Variants in PLD5 observed in about 807,000 individuals in gnomAD.
PLD5 encodes the protein inactive phospholipase D5.
Under a neutral mutation model 61.1 loss-of-function variants are expected in PLD5, and 36 were observed. That is an observed-to-expected ratio of 0.59 (90% CI 0.45 to 0.78). PLD5 has a LOEUF of 0.78. Ranked by LOEUF, PLD5 falls within the 30% of genes least tolerant of loss-of-function variation. The pLI, the probability that PLD5 is intolerant of heterozygous loss-of-function variation, is 0.00. For synonymous variants in PLD5, 243 were observed against 242.8 expected, an observed-to-expected ratio of 1.00 and a Z score of -0.01; for missense variants, 515 against 644.4, an observed-to-expected ratio of 0.80 and a Z score of 2.17.
At position 242,154,153 on chromosome 1, in the gene PLD5, A is replaced by G. The variant is rs561772512; in HGVS notation, c.736-29488T>C. On this transcript the variant is annotated intron_variant, in intron 5 of 9. Coordinates refer to ENST00000536534, the MANE Select transcript of PLD5 (RefSeq NM_001372062.1). Reference sequence around the variant, plus strand: ...CTCATGATTTGGCTGTTTGTCTGTTATTGGTGTATAAGAATTCTTGTGATT... The same window carrying G: ...CTCATGATTTGGCTGTTTGTCTGTTGTTGGTGTATAAGAATTCTTGTGATT... Among the ~76,000 whole-genome samples, 4 of 152,186 alleles carry G rather than the reference A, an allele frequency of 2.6e-5. 1 individual carries two copies. In the South Asian group the frequency reaches 8.3e-4, roughly 32 times the overall value.
intron 3 of PLD5, among the ~76,000 whole-genome samples, chr1:242,279,621 C>T (rs1014271024): frequency 1.2e-4 from 18 of 152,150 alleles, no homozygotes; most frequent in African/African-American, 4.1e-4. Context: ...GCAACCTCTG[C>T]CTCCCGGGTT....
intron 6 of PLD5, among the ~76,000 whole-genome samples, chr1:242,118,944 G>A (rs1272255326): frequency 6.6e-6 from 1 of 152,190 alleles, no homozygotes; most frequent in Non-Finnish European, 1.5e-5. Flanking sequence ...AGTTCCAACT[G>A]TTTAATTAAA....
intron 1 of PLD5, among the ~76,000 whole-genome samples, chr1:242,408,207 ACTTGTC>A (rs1349451034): frequency 2.6e-5 from 4 of 152,216 alleles, no homozygotes; most frequent in African/African-American, 9.6e-5. Context: ...TATTTAGTGG[ACTTGTC>A]CTTGGACAGG....
chr1:242,505,377 T>C (rs1255400794), intron 1 of PLD5, among the ~76,000 whole-genome samples: 4 of 152,216 alleles, frequency 2.6e-5, no homozygotes, highest in Non-Finnish European at 5.9e-5. Flanking sequence ...CCTTTTCTTA[T>C]TAAATATTGA....
At chr1:242,500,965 C>T (rs995351810) in intron 1 of PLD5, among the ~76,000 whole-genome samples, 4 of 151,704 alleles carry the variant, frequency 2.6e-5, no homozygotes, top group Non-Finnish European at 2.9e-5. Flanking sequence ...TATCATTTAA[C>T]GTTTTTCTTT....
intron 5 of PLD5, among the ~76,000 whole-genome samples, chr1:242,146,776 G>A (rs1241987984): frequency 4.6e-5 from 7 of 152,176 alleles, no homozygotes; most frequent in Non-Finnish European, 1.0e-4. Context: ...CAAGCTTAGT[G>A]CAAGAGAATG....
At chr1:242,241,869 C>CTATATATA (rs752113161) in intron 4 of PLD5, among the ~76,000 whole-genome samples, 23 of 70,828 alleles carry the variant, frequency 3.2e-4, no homozygotes, top group African/African-American at 4.5e-4. Context: ...GCTTTACTTA[C>CTATATATA]TATATATATA....
At chr1:242,169,809 G>A (rs1433133265) in intron 5 of PLD5, among the ~76,000 whole-genome samples, 1 of 152,134 alleles carries the variant, frequency 6.6e-6, no homozygotes, top group East Asian at 1.9e-4. Flanking sequence ...TGTAAACAAA[G>A]CAGCCAGGAA....
chr1:242,132,195 G>GGGA (rs1553305570), intron 5 of PLD5, among the ~76,000 whole-genome samples: 1 of 95,126 alleles, frequency 1.1e-5, no homozygotes, highest in South Asian at 4.2e-4. Context: ...GTGATTGCGG[G>GGGA]GGGGGGGGGG....
chr1:242,249,003 C>A (rs1672550417), intron 4 of PLD5, among the ~76,000 whole-genome samples: 1 of 152,080 alleles, frequency 6.6e-6, no homozygotes, highest in African/African-American at 2.4e-5. Context: ...CAAAAATTAG[C>A]CGGGTGTGGT....
At chr1:242,377,312 C>T in intron 1 of PLD5, 1 of 1,607,470 alleles carries the variant, frequency 6.2e-7, no homozygotes, top group South Asian at 1.1e-5. Context: ...ACTTGTGAAC[C>T]TTAAAATCAT....
chr1:242,447,000 A>T (rs969363538), intron 1 of PLD5, among the ~76,000 whole-genome samples: 15 of 152,176 alleles, frequency 9.9e-5, no homozygotes, highest in African/African-American at 3.4e-4. Flanking sequence ...CCTTTCCTCA[A>T]TGCAACAGGG....
Position 242,095,974 on chromosome 1 carries a change from G to A in PLD5, c.1354+4694C>T, listed in dbSNP as rs374249171. On this transcript the variant is annotated intron_variant, in intron 9 of 9. Coordinates refer to ENST00000536534, the MANE Select transcript of PLD5 (RefSeq NM_001372062.1). ...TTCTCTCTTTTTTTTTCTTTTTTTT[G>A]AGACAGAGGACTCTCACTCTGTCAC... Among the ~76,000 whole-genome samples the A allele has an allele frequency of 1.4e-4, 21 of 149,238 alleles. No individual in the cohort carries two copies. In the East Asian group the frequency reaches 4.1e-3, roughly 29 times the overall value.
chr1:242,265,532 T>A (rs2053192), intron 3 of PLD5, 84 bp from the exon 4 acceptor site: 104,070 of 1,155,484 alleles, frequency 0.09, 15,282 homozygotes, highest in East Asian at 0.56. Context: ...CTCATTAAAA[T>A]TAATCTATTC....
chr1:242,332,195 G>A (rs555586179), intron 2 of PLD5, among the ~76,000 whole-genome samples: 4 of 152,212 alleles, frequency 2.6e-5, no homozygotes, highest in African/African-American at 9.6e-5. Flanking sequence ...CTTCATCCAT[G>A]TCCCTGCAAA....
chr1:242,231,761 G>A (rs181239610), intron 4 of PLD5, among the ~76,000 whole-genome samples: 67 of 152,260 alleles, frequency 4.4e-4, no homozygotes, highest in African/African-American at 1.3e-3. Flanking sequence ...AGGATTGGCA[G>A]CACTGAATGC....
chr1:242,372,243 A>G (rs937359682), intron 1 of PLD5, among the ~76,000 whole-genome samples: 7 of 152,160 alleles, frequency 4.6e-5, no homozygotes, highest in African/African-American at 1.2e-4. Flanking sequence ...AGCCATGCCC[A>G]TAGCACAGCT....
At chr1:242,402,201 A>T (rs1379509166) in intron 1 of PLD5, among the ~76,000 whole-genome samples, 1 of 152,228 alleles carries the variant, frequency 6.6e-6, no homozygotes, top group African/African-American at 2.4e-5. Flanking sequence ...TGTAAGATGT[A>T]ATTTAGATAA....
intron 1 of PLD5, among the ~76,000 whole-genome samples, chr1:242,394,898 T>TATATGAATA (rs1553366818): frequency 9.7e-6 from 1 of 102,614 alleles, no homozygotes; most frequent in African/African-American, 3.9e-5. Flanking sequence ...ATATATATGA[T>TATATGAATA]TATATATGAA....
Sources: gnomAD v4.1 joint callset for allele counts (sites outside exome capture counted in the v4.1 genomes callset) on GRCh38, gnomAD v4.1.1 for gene constraint, MANE v1.5 for transcripts, NCBI Gene and HGNC (gene_info 2026-07-23, HGNC 2026-07-21) for gene names.